Variants in KAZN observed in about 807,000 individuals in gnomAD.
KAZN encodes kazrin.
In KAZN, 40 loss-of-function variants were observed where a neutral mutation model predicts 87.4. The observed-to-expected ratio is 0.46, with a 90% CI of 0.36 to 0.60. The LOEUF (loss-of-function observed/expected upper bound fraction) is 0.60, where lower values mean the gene tolerates loss of function less well. Ranked by LOEUF, KAZN falls within the 20% of genes least tolerant of loss-of-function variation. The pLI, the probability that KAZN is intolerant of heterozygous loss-of-function variation, is 0.00. For synonymous variants in KAZN, 466 were observed against 458.3 expected, an observed-to-expected ratio of 1.02 and a Z score of -0.22; for missense variants, 898 against 1,073.9, an observed-to-expected ratio of 0.84 and a Z score of 2.29.
chr1:14,952,972 T>G (rs1011363376), intron 1 of KAZN, among the ~76,000 whole-genome samples: 4 of 151,916 alleles, frequency 2.6e-5, no homozygotes, highest in Non-Finnish European at 5.9e-5. Context: ...GATCAGAGGT[T>G]GCTTGTCCAC....
intron 8 of KAZN, among the ~76,000 whole-genome samples, chr1:15,071,282 C>T (rs1223046657): frequency 3.3e-5 from 5 of 151,816 alleles, no homozygotes; most frequent in African/African-American, 1.2e-4. Context: ...GGCAGAGTCT[C>T]ACTCTGTCGC....
intron 1 of KAZN, among the ~76,000 whole-genome samples, chr1:14,793,029 G>GCAGC (rs1331347732): frequency 1.3e-5 from 2 of 151,312 alleles, no homozygotes; most frequent in Non-Finnish European, 2.9e-5. Context: ...ATTTGGGAAA[G>GCAGC]CAGCCGGAGG....
intron 1 of KAZN, among the ~76,000 whole-genome samples, chr1:14,701,452 G>T (rs990639399): frequency 1.3e-5 from 2 of 151,484 alleles, no homozygotes; most frequent in Non-Finnish European, 2.9e-5. Context: ...TTAAAAACAA[G>T]AGCAGTACCC....
intron 14 of KAZN, chr1:15,113,452 AAAG>A (rs1458818996): frequency 4.6e-5 from 7 of 152,246 alleles, no homozygotes; most frequent in Non-Finnish European, 1.0e-4. Context: ...AATAATAAAA[AAAG>A]AAGATCTGGA....
intron 1 of KAZN, among the ~76,000 whole-genome samples, chr1:13,972,591 G>A (rs1344547053): frequency 1.3e-5 from 2 of 152,108 alleles, no homozygotes; most frequent in African/African-American, 4.8e-5. Flanking sequence ...TGGTGAGCCC[G>A]GAAGGAAGAC....
intron 1 of KAZN, among the ~76,000 whole-genome samples, chr1:14,089,672 C>G (rs1394079495): frequency 6.6e-6 from 1 of 152,126 alleles, no homozygotes; most frequent in Non-Finnish European, 1.5e-5. Flanking sequence ...CCAATTATCT[C>G]TTAAAAATAT....
intron 2 of KAZN, among the ~76,000 whole-genome samples, chr1:14,214,306 T>G (rs1271774529): frequency 1.3e-5 from 2 of 152,306 alleles, no homozygotes; most frequent in East Asian, 3.9e-4. Flanking sequence ...TTTGTTGTCT[T>G]TCTTTCCAAA....
chr1:14,202,028 C>A (rs899226575), intron 2 of KAZN, among the ~76,000 whole-genome samples: 1 of 152,142 alleles, frequency 6.6e-6, no homozygotes, highest in Admixed American at 6.6e-5. Flanking sequence ...TTCTTAAATG[C>A]CAGATTCTGT....
intron 1 of KAZN, among the ~76,000 whole-genome samples, chr1:14,946,531 G>T: frequency 6.6e-6 from 1 of 151,954 alleles, no homozygotes; most frequent in Non-Finnish European, 1.5e-5. Context: ...TAGAGACAGG[G>T]TTTCACCGTG....
intron 1 of KAZN, among the ~76,000 whole-genome samples, chr1:14,166,179 G>A (rs143468525): frequency 3.9e-4 from 60 of 152,306 alleles, no homozygotes; most frequent in African/African-American, 1.4e-3. Flanking sequence ...GCTGGGCATG[G>A]TGGCGTGCGC....
At chr1:14,201,420 A>G (rs1017150365) in intron 2 of KAZN, among the ~76,000 whole-genome samples, 4 of 152,196 alleles carry the variant, frequency 2.6e-5, no homozygotes, top group African/African-American at 9.7e-5. Flanking sequence ...CTCCAATGAC[A>G]TAGCTGACTG....
chr1:14,296,629 C>CTTT (rs775666706), intron 2 of KAZN, among the ~76,000 whole-genome samples: 3,744 of 82,518 alleles, frequency 0.045, 193 homozygotes, highest in African/African-American at 0.11. Context: ...TTTTGTATTT[C>CTTT]TTTTTTTTTT....
intron 1 of KAZN, among the ~76,000 whole-genome samples, chr1:14,945,316 A>G (rs1661628653): frequency 6.6e-6 from 1 of 152,156 alleles, no homozygotes; most frequent in Non-Finnish European, 1.5e-5. Flanking sequence ...AATTAACTCA[A>G]TTGGCTGGAA....
At chr1:14,019,337 A>G (rs1436368347) in intron 1 of KAZN, among the ~76,000 whole-genome samples, 3 of 152,194 alleles carry the variant, frequency 2.0e-5, no homozygotes, top group Admixed American at 1.3e-4. Flanking sequence ...ACCCACTGGG[A>G]ACACAAATGA....
Position 15,085,572 on chromosome 1 carries a change from C to T in KAZN, c.1223-8608C>T, listed in dbSNP as rs188122155. On this transcript the variant is annotated intron_variant, in intron 8 of 14. Transcript: ENST00000376030. ...CGAACTCCTAGGCTCAAGCAAGCCT[C>T]CCGCCTTAGCCTCCCAAAGTGCTGG... Among the ~76,000 whole-genome samples the T allele has an allele frequency of 3.6e-3, 549 of 152,282 alleles. 4 individuals are homozygous for T. Among genetic ancestry groups the T allele is most frequent in the African/African-American group, 0.013 (531 of 41,538 alleles).
intron 1 of KAZN, among the ~76,000 whole-genome samples, chr1:14,636,528 C>T (rs1051872502): frequency 7.9e-5 from 12 of 152,180 alleles, no homozygotes; most frequent in Non-Finnish European, 1.2e-4. Flanking sequence ...GCGGCTGACA[C>T]GGAACACTCA....
intron 2 of KAZN, among the ~76,000 whole-genome samples, chr1:14,222,481 G>C (rs529879481): frequency 6.6e-6 from 1 of 152,266 alleles, no homozygotes; most frequent in East Asian, 1.9e-4. Context: ...TTCTGCTTTT[G>C]TTCTGTGGTT....
intron 2 of KAZN, among the ~76,000 whole-genome samples, chr1:14,391,105 G>A (rs572293027): frequency 4.1e-4 from 63 of 152,326 alleles, no homozygotes; most frequent in African/African-American, 1.3e-3. Flanking sequence ...GGAGACATAA[G>A]CCAGAGGCCA....
intron 2 of KAZN, among the ~76,000 whole-genome samples, chr1:14,443,999 A>G (rs1281300400): frequency 1.3e-5 from 2 of 152,216 alleles, no homozygotes; most frequent in Non-Finnish European, 2.9e-5. Flanking sequence ...ATTGAAAGTT[A>G]TAAAACAAGG....
Sources: allele counts gnomAD v4.1 joint callset (sites outside exome capture counted in the v4.1 genomes callset), GRCh38; gene constraint gnomAD v4.1.1; transcripts MANE v1.5; gene names NCBI Gene and HGNC (gene_info 2026-07-23, HGNC 2026-07-21).